GLI4: variants seen among roughly 807,000 people sequenced by gnomAD.
GLI4 encodes the protein zinc finger protein GLI4.
A neutral mutation model predicts 30.9 loss-of-function variants in GLI4; 34 were observed. The observed-to-expected ratio is 1.10, with a 90% CI of 0.84 to 1.47. GLI4 has a LOEUF of 1.47. GLI4 is among the 40% of genes most tolerant of loss of function. The probability of loss-of-function intolerance (pLI) is 0.00; values close to 1 mark genes in which losing one functional copy is unlikely to be tolerated. For missense variants in GLI4, 696 were observed against 538.9 expected (o/e 1.29, Z -2.89); for synonymous variants, 277 against 236.7 (o/e 1.17, Z -1.56).
At chr8:143,274,913 GC>G in intron 3 of GLI4, 111 bp downstream of exon 3, 1 of 1,480,302 alleles carries the variant, frequency 6.8e-7, no homozygotes, top group Non-Finnish European at 9.0e-7. Flanking sequence ...CCTTCCTGGG[GC>G]CCCTTTTCTT....
chr8:143,267,827 G>C, intron 1 of GLI4: 1 of 985,422 alleles, frequency 1.0e-6, no homozygotes, highest in South Asian at 4.7e-5. Flanking sequence ...GCGAGGAGCC[G>C]CCGGACCCCA....
intron 2 of GLI4, among the ~76,000 whole-genome samples, chr8:143,270,578 G>A (rs1563735271): frequency 6.6e-6 from 1 of 152,212 alleles, no homozygotes; most frequent in Non-Finnish European, 1.5e-5. Context: ...AGCACACACT[G>A]TGGCTGGGCC....
chr8:143,275,681 A>G, intron 3 of GLI4: 1 of 1,238,940 alleles, frequency 8.1e-7, no homozygotes, highest in Non-Finnish European at 1.0e-6. Flanking sequence ...GCTCTGGGTC[A>G]CCCTGCAACG....
chr8:143,267,523 T>G (rs1276660712), intron 1 of GLI4, 39 bp downstream of exon 1: 25 of 986,160 alleles, frequency 2.5e-5, no homozygotes, highest in African/African-American at 3.5e-5. Context: ...TCCGGGTGCC[T>G]GGGACCAGCC....
intron 2 of GLI4, among the ~76,000 whole-genome samples, chr8:143,271,227 G>A (rs556984976): frequency 6.6e-6 from 1 of 152,310 alleles, no homozygotes; most frequent in South Asian, 2.1e-4. Context: ...AACAGCAAGT[G>A]TGGCTGCTTT....
chr8:143,269,453 C>T lies in GLI4; in HGVS notation c.57C>T (p.Leu19=). 5.6e-6 allele frequency: 9 copies of T among 1,609,766 alleles called. No homozygotes were observed. Among genetic ancestry groups the T allele is most frequent in the South Asian group, 4.4e-5 (4 of 90,982 alleles). Residue 19 remains leucine, a synonymous_variant, in exon 2 of 4, where the codon CTC becomes CTT. Coordinates refer to ENST00000340042, the MANE Select transcript of GLI4 (RefSeq NM_138465.4). The stretch of plus-strand genomic sequence containing the variant: ...CTTCTGTCCCGTCCCCTGTCAGTCT[C>T]TCATCACCGGGGACACCTGGAACCC... The part of the protein sequence containing the change: ...ESPSVPSPVS[L]SSPGTPGTQH...
chr8:143,268,342 C>T (rs1815186450), intron 1 of GLI4, among the ~76,000 whole-genome samples: 2 of 152,194 alleles, frequency 1.3e-5, no homozygotes, highest in South Asian at 4.1e-4. Context: ...TTCTTCACTC[C>T]CTGCCCCAGA....
At position 143,276,680 on chromosome 8, in the gene GLI4, C is replaced by A; in HGVS notation, c.1007C>A (p.Ser336Ter). ...SDCGKAFRGR[S>*]HFFRHLRTHT... ...TGCGGCAAAGCCTTCCGCGGCCGCT[C>A]GCACTTCTTCCGGCACCTGCGGACC... The change falls in exon 4 of 4, where the codon TCG (serine) becomes TAG (stop). Residue 336 changes from serine to a stop codon, truncating the protein, a stop_gained. Coordinates refer to ENST00000340042, the MANE Select transcript of GLI4 (RefSeq NM_138465.4). LOFTEE classifies it high-confidence loss of function. 1 of 1,611,466 alleles carries A rather than the reference C, an allele frequency of 6.2e-7. No individual in the cohort carries two copies. Among genetic ancestry groups the A allele is most frequent in the Non-Finnish European group, 8.5e-7 (1 of 1,179,336 alleles).
intron 2 of GLI4, among the ~76,000 whole-genome samples, chr8:143,271,943 G>A (rs556399029): frequency 1.6e-3 from 251 of 152,354 alleles, no homozygotes; most frequent in Middle Eastern, 6.8e-3. Flanking sequence ...TGGTCCCCAC[G>A]GAGATGCAGA....
intron 2 of GLI4, among the ~76,000 whole-genome samples, chr8:143,273,844 G>A (rs958736528): frequency 2.0e-5 from 2 of 98,976 alleles, no homozygotes; most frequent in Non-Finnish European, 4.5e-5. Context: ...GGGCAGGTGA[G>A]GCACCAGGGT....
chr8:143,275,908 A>G lies in GLI4; in HGVS notation c.235A>G (p.Lys79Glu). ...GTTTCTCATTTCAGACTCCGAGCCC[A>G]AGCCGGAGCAGGCTCCACGCTCTCC... ...RDTFWPDSEP[K>E]PEQAPRSPGS... is the part of the protein sequence containing the mutation. Residue 79 changes from lysine to glutamate, a missense_variant, in exon 4 of 4, where the codon AAG becomes GAG. Physicochemically the swap from Lys to Glu is moderately conservative, Grantham distance 56. Coordinates refer to ENST00000340042, the MANE Select transcript of GLI4 (RefSeq NM_138465.4). 7.7e-7 allele frequency: 1 copy of G among 1,296,628 alleles called. No homozygotes were observed. The highest frequency in any genetic ancestry group is 2.5e-5 in the South Asian group (1 of 40,392). 80.3% of individuals were successfully genotyped at this position (1,296,628 alleles called of 1,614,324 possible).
chr8:143,273,049 C>T (rs1815304478), intron 2 of GLI4: 1 of 152,268 alleles, frequency 6.6e-6, no homozygotes. Flanking sequence ...GGGCATGGCC[C>T]CAGGAACAAA....
intron 1 of GLI4, among the ~76,000 whole-genome samples, 172 bp from the exon 2 acceptor site, chr8:143,269,188 C>T (rs1434825840): frequency 6.6e-6 from 1 of 152,148 alleles, no homozygotes; most frequent in Non-Finnish European, 1.5e-5. Context: ...GGTCCCCCAA[C>T]TGCCTCACCC....
In GLI4 at chr8:143,274,765, A is replaced by C; in HGVS notation, c.186A>C (p.Val62=). ...SQPSDLDLQD[V]EEVEIGRDTF... Reference sequence around the variant, plus strand: ...CGTCCGACCTGGATCTCCAAGACGTAGAGGAAGTGGAGATCGGCAGAGACA... The same window carrying C: ...CGTCCGACCTGGATCTCCAAGACGTCGAGGAAGTGGAGATCGGCAGAGACA... The change falls in exon 3 of 4, where the codon GTA becomes GTC. Residue 62 remains valine, a synonymous_variant. Coordinates refer to ENST00000340042, the MANE Select transcript of GLI4 (RefSeq NM_138465.4). 6.4e-7 allele frequency: 1 copy of C among 1,571,240 alleles called. No homozygotes were observed. Among genetic ancestry groups the C allele is most frequent in the Non-Finnish European group, 8.7e-7 (1 of 1,156,062 alleles).
intron 2 of GLI4, among the ~76,000 whole-genome samples, chr8:143,273,745 C>T (rs78618825): frequency 0.021 from 3,206 of 152,342 alleles, 114 homozygotes; most frequent in African/African-American, 0.073. Context: ...ATTGTCATTG[C>T]TGGGGACACC....
At chr8:143,273,485 G>A (rs1815313901) in intron 2 of GLI4, 2 of 152,278 alleles carry the variant, frequency 1.3e-5, no homozygotes, top group Admixed American at 1.3e-4. Flanking sequence ...GGGCCGACCT[G>A]AGGGCGGGAG....
In GLI4 at chr8:143,275,939, C is replaced by T. The variant is rs13264624; in HGVS notation, c.266C>T (p.Ser89Phe). ...KPEQAPRSPG[S>F]QAPDEGAGGA... ...GAGCAGGCTCCACGCTCTCCTGGCTCTCAGGCCCCTGACGAGGGGGCGGGC... is the reference window on the plus strand; with the variant it reads ...GAGCAGGCTCCACGCTCTCCTGGCTTTCAGGCCCCTGACGAGGGGGCGGGC... The change falls in exon 4 of 4, where the codon TCT becomes TTT. Residue 89 changes from serine (S) to phenylalanine (F), a missense_variant. Ser to Phe is a radical substitution (Grantham distance 155). Transcript: ENST00000340042. 1.5e-6 allele frequency: 2 copies of T among 1,331,632 alleles called. No individual in the cohort carries two copies. The highest frequency in any genetic ancestry group is 2.0e-5 in the South Asian group (1 of 49,476). The allele number at this position is 1,331,632 out of a possible 1,614,324, so 82.5% of individuals were successfully genotyped here. A position where few individuals can be genotyped will look rare whatever the true frequency, so the allele number is the denominator to read the frequency against.
At position 143,276,039 on chromosome 8, in the gene GLI4, C is replaced by A; in HGVS notation, c.366C>A (p.Ser122Arg). Residue 122 changes from serine (S) to arginine (R), a missense_variant, in exon 4 of 4, where the codon AGC (serine) becomes AGA (arginine). By Grantham distance (110) the Ser-to-Arg change is moderately radical. Coordinates refer to ENST00000340042, the MANE Select transcript of GLI4 (RefSeq NM_138465.4). ...GCGCCGGCTTCGGGCCTGAATCCAGCGCGGAGCGGCCGGCGGGCCAGCCGC... is the reference window on the plus strand; with the variant it reads ...GCGCCGGCTTCGGGCCTGAATCCAGAGCGGAGCGGCCGGCGGGCCAGCCGC... ...RCSAGFGPES[S>R]AERPAGQPPG... 1 of 1,381,918 alleles carries A rather than the reference C, an allele frequency of 7.2e-7. No individual in the cohort carries two copies. The highest frequency in any genetic ancestry group is 9.3e-7 in the Non-Finnish European group (1 of 1,071,844). 85.6% of individuals were successfully genotyped at this position (1,381,918 alleles called of 1,614,324 possible). A position where few individuals can be genotyped will look rare whatever the true frequency, so the allele number is the denominator to read the frequency against.
At chr8:143,274,627 G>C (rs1815343348) in intron 2 of GLI4, 77 bp from the exon 3 acceptor site, 2 of 1,423,738 alleles carry the variant, frequency 1.4e-6, no homozygotes, top group Non-Finnish European at 1.9e-6. Flanking sequence ...CACAGCCCGG[G>C]AGCACGTGGC....
Sources: gnomAD v4.1 joint callset for allele counts (sites outside exome capture counted in the v4.1 genomes callset) on GRCh38, gnomAD v4.1.1 for gene constraint, MANE v1.5 for transcripts, NCBI Gene and HGNC (gene_info 2026-07-23, HGNC 2026-07-21) for gene names.